Variants in WDR31 observed in about 807,000 individuals in gnomAD.
WDR31 encodes WD repeat domain 31, also known as WD repeat-containing protein 31.
Under a neutral mutation model 47.3 loss-of-function variants are expected in WDR31, and 30 were observed. That is an observed-to-expected ratio of 0.63 (90% CI 0.47 to 0.86). The LOEUF is 0.86. WDR31 is among the 40% of genes least tolerant of loss of function. The probability of loss-of-function intolerance (pLI) is 0.00; values close to 1 mark genes in which losing one functional copy is unlikely to be tolerated. For synonymous variants in WDR31, 137 were observed against 159.4 expected (o/e 0.86, Z 1.06); for missense variants, 406 against 442.9 (o/e 0.92, Z 0.75).
At chr9:113,327,359 G>T (rs1429996633) in intron 5 of WDR31, among the ~76,000 whole-genome samples, 2 of 151,844 alleles carry the variant, frequency 1.3e-5, no homozygotes, top group Non-Finnish European at 2.9e-5. Context: ...TTTGAATGAG[G>T]ATAAGTCCAA....
intron 1 of WDR31, among the ~76,000 whole-genome samples, chr9:113,337,298 G>GT (rs1460114320): frequency 7.2e-5 from 11 of 151,846 alleles, no homozygotes; most frequent in Non-Finnish European, 1.6e-4. Context: ...ACTGCTCTAT[G>GT]TTTTATATTT....
At position 113,318,606 on chromosome 9, in the gene WDR31, A is replaced by G. The variant is rs772439788; in HGVS notation, c.812T>C (p.Ile271Thr). ...CTGGAAATGCCCCTTATACTCACAT[A>G]TTCTGTTTCGAGTCTGTCTTAGGTC... ...LWDLRQTRNR[I>T]CEYKGHFQTV... is the part of the protein sequence containing the mutation. Residue 271 changes from isoleucine (I) to threonine (T), a missense_variant, in exon 10 of 11, where the codon ATA (isoleucine) becomes ACA (threonine). Physicochemically the swap from Ile to Thr is moderately conservative, Grantham distance 89. Coordinates refer to ENST00000374193, the MANE Select transcript of WDR31 (RefSeq NM_001012361.4). The G allele has an allele frequency of 1.9e-6, 3 of 1,614,158 alleles. No individual in the cohort carries two copies. The highest frequency in any genetic ancestry group is 1.7e-5 in the Admixed American group (1 of 60,018).
rs200137621 is a variant in WDR31 at position 113,339,728 on chromosome 9, A to ATTTGTT, written c.-182+483_-182+488dup. 6.5e-3 allele frequency among the ~76,000 whole-genome samples: 993 copies of ATTTGTT among 152,090 alleles called. 44 individuals carry two copies. Among genetic ancestry groups the ATTTGTT allele is most frequent in the Admixed American group, 0.055 (845 of 15,238 alleles). On this transcript the variant is annotated intron_variant, in intron 1 of 10. Transcript: ENST00000374193. The stretch of plus-strand genomic sequence containing the variant: ...CCATTATATGAACAACTAAAGCTTA[A>ATTTGTT]TTTGTTTTTGTTTTTGTTTTCAAGA...
intron 5 of WDR31, among the ~76,000 whole-genome samples, chr9:113,324,456 C>T (rs1213952038): frequency 1.4e-5 from 2 of 147,092 alleles, no homozygotes; most frequent in African/African-American, 5.1e-5. Flanking sequence ...GGGACCTGGT[C>T]TCGGTTCACT....
intron 8 of WDR31, 107 bp downstream of exon 8, chr9:113,321,404 T>C: frequency 8.7e-7 from 1 of 1,150,088 alleles, no homozygotes; most frequent in Non-Finnish European, 1.3e-6. Context: ...CAGAAGGCTC[T>C]GGGAAGGGCA....
In WDR31 at chr9:113,313,626, A is replaced by AT. The variant is rs2118744351; in HGVS notation, c.*3122dup. On this transcript the variant is annotated 3_prime_UTR_variant, in exon 11 of 11. Transcript: ENST00000374193. ...GATTCATACCTCAGCTCTTCTTAATATGTGTGTGACTTTGGGCAAAGTACT... is the reference window on the plus strand; with the variant it reads ...GATTCATACCTCAGCTCTTCTTAATATTGTGTGTGACTTTGGGCAAAGTACT... 6.6e-6 allele frequency: 1 copy of AT among 152,308 alleles called. No individual in the cohort carries two copies. The highest frequency in any genetic ancestry group is 2.1e-4 in the South Asian group (1 of 4,826). The allele number at this position is 152,308 out of a possible 1,614,324, so 9.4% of individuals were successfully genotyped here. A position where few individuals can be genotyped will look rare whatever the true frequency, so the allele number is the denominator to read the frequency against.
chr9:113,322,898 C>T lies in WDR31; in HGVS notation c.483G>A (p.Leu161=). 6.2e-7 allele frequency: 1 copy of T among 1,614,164 alleles called. No homozygotes were observed. The highest frequency in any genetic ancestry group is 8.5e-7 in the Non-Finnish European group (1 of 1,180,036). Residue 161 remains leucine (L), a synonymous_variant, in exon 7 of 11, where the codon CTG becomes CTA. Coordinates refer to ENST00000374193, the MANE Select transcript of WDR31 (RefSeq NM_001012361.4). ...GLAVSPDSSQ[L]CTGSRDNTLL... ...GGGTGTTGTCCCGAGAGCCAGTGCA[C>T]AGCTGTGATGAGTCTTTGGAAACAA... is the stretch of plus-strand genomic sequence containing the variant.
At chr9:113,327,874 C>T (rs754129776) in intron 5 of WDR31, among the ~76,000 whole-genome samples, 7 of 152,134 alleles carry the variant, frequency 4.6e-5, no homozygotes, top group Non-Finnish European at 1.0e-4. Context: ...ATAGCTTGAA[C>T]CTGCGAGATG....
chr9:113,330,477 T>C (rs1833572726), intron 4 of WDR31, among the ~76,000 whole-genome samples: 1 of 152,010 alleles, frequency 6.6e-6, no homozygotes, highest in Non-Finnish European at 1.5e-5. Flanking sequence ...CTATGATAGA[T>C]CCTAATATGA....
intron 5 of WDR31, 41 bp from the exon 6 acceptor site, chr9:113,323,196 A>T: frequency 6.3e-7 from 1 of 1,596,030 alleles, no homozygotes. Flanking sequence ...TAGCTCTGGT[A>T]TGCTAGTTGG....
chr9:113,324,253 G>A (rs1833400702), intron 5 of WDR31, among the ~76,000 whole-genome samples: 1 of 151,940 alleles, frequency 6.6e-6, no homozygotes, highest in African/African-American at 2.4e-5. Flanking sequence ...TCTACTTTCT[G>A]TCTCTATGGA....
intron 5 of WDR31, among the ~76,000 whole-genome samples, chr9:113,323,653 T>C (rs1274461408): frequency 6.6e-6 from 1 of 152,268 alleles, no homozygotes; most frequent in Non-Finnish European, 1.5e-5. Context: ...TTATCAATGT[T>C]GTGCTACCTT....
At position 113,318,663 on chromosome 9, in the gene WDR31, T is replaced by C. The variant is rs780062023; in HGVS notation, c.781-26A>G. The C allele has an allele frequency of 1.9e-6, 3 of 1,612,450 alleles. No individual in the cohort carries two copies. The African/African-American group carries it at 4.0e-5, about 22-fold the overall frequency. On this transcript the variant is annotated intron_variant, in intron 9 of 10. Coordinates refer to ENST00000374193, the MANE Select transcript of WDR31 (RefSeq NM_001012361.4). ...CTGCAAAGTAATGACATGGACCAGC[T>C]CATAGTCACTTGTCTAGCTTCATCC...
At chr9:113,322,381 T>C (rs1833343219) in intron 7 of WDR31, among the ~76,000 whole-genome samples, 1 of 152,078 alleles carries the variant, frequency 6.6e-6, no homozygotes, top group South Asian at 2.1e-4. Flanking sequence ...CAACTGGTCC[T>C]TCAAAAGCAA....
At chr9:113,334,703 C>CTTTTTTTTT (rs71367719) in intron 2 of WDR31, among the ~76,000 whole-genome samples, 1,109 of 63,142 alleles carry the variant, frequency 0.018, no homozygotes, top group African/African-American at 0.024. Flanking sequence ...CTACATCAGG[C>CTTTTTTTTT]TTTTTTTTTT....
At chr9:113,330,132 G>T (rs1833564084) in intron 4 of WDR31, among the ~76,000 whole-genome samples, 1 of 152,010 alleles carries the variant, frequency 6.6e-6, no homozygotes, top group South Asian at 2.1e-4. Flanking sequence ...ACAGAGTCTT[G>T]CTCTGTCACC....
Position 113,316,549 on chromosome 9 carries a change from C to T in WDR31, c.*200G>A. 1.7e-6 allele frequency: 1 copy of T among 576,102 alleles called. No homozygotes were observed. Among genetic ancestry groups the T allele is most frequent in the Non-Finnish European group, 2.9e-6 (1 of 343,464 alleles). 35.7% of individuals were successfully genotyped at this position (576,102 alleles called of 1,614,324 possible). ...TTAAATAGAGAACCTTATGTGTAGT[C>T]CATGTTTCTGGACTCTATACCTGAT... On this transcript the variant is annotated 3_prime_UTR_variant, in exon 11 of 11. Transcript: ENST00000374193.
At chr9:113,325,141 C>T (rs2118808597) in intron 5 of WDR31, among the ~76,000 whole-genome samples, 1 of 151,086 alleles carries the variant, frequency 6.6e-6, no homozygotes, top group Middle Eastern at 3.4e-3. Context: ...TTTTAGTAGA[C>T]ATGGAGTTTT....
At position 113,315,417 on chromosome 9, in the gene WDR31, T is replaced by C. The variant is rs1336568411; in HGVS notation, c.*1332A>G. 1 of 151,990 alleles carries C rather than the reference T, an allele frequency of 6.6e-6. No individual in the cohort carries two copies. Among genetic ancestry groups the C allele is most frequent in the Non-Finnish European group, 1.5e-5 (1 of 68,014 alleles). 9.4% of individuals were successfully genotyped at this position (151,990 alleles called of 1,614,324 possible). A position where few individuals can be genotyped will look rare whatever the true frequency, so the allele number is the denominator to read the frequency against. On this transcript the variant is annotated 3_prime_UTR_variant, in exon 11 of 11. Transcript: ENST00000374193. ...AAAATCTTTCTTTGGCTGGGACTTGTCAGAAAGGGAATCTCCAGTGTTGGT... is the reference window on the plus strand; with the variant it reads ...AAAATCTTTCTTTGGCTGGGACTTGCCAGAAAGGGAATCTCCAGTGTTGGT...
Sources: allele counts gnomAD v4.1 joint callset (sites outside exome capture counted in the v4.1 genomes callset), GRCh38; gene constraint gnomAD v4.1.1; transcripts MANE v1.5; gene names NCBI Gene and HGNC (gene_info 2026-07-23, HGNC 2026-07-21).